The following TNR variants were observed in gnomAD, a reference collection of about 807,000 sequenced individuals.
TNR encodes tenascin-R.
A neutral mutation model predicts 150.4 loss-of-function variants in TNR; 45 were observed. That is an observed-to-expected ratio of 0.30 (90% CI 0.24 to 0.38). The LOEUF (loss-of-function observed/expected upper bound fraction) is 0.38, where lower values mean the gene tolerates loss of function less well. Ranked by LOEUF, TNR falls within the 10% of genes least tolerant of loss-of-function variation. The probability of loss-of-function intolerance (pLI) is 1.00; values close to 1 mark genes in which losing one functional copy is unlikely to be tolerated. For missense variants in TNR, 1,544 were observed against 1,759.1 expected (o/e 0.88, Z 2.19); for synonymous variants, 687 against 678.4 (o/e 1.01, Z -0.20).
chr1:175,563,970 A>G (rs1419699043), intron 1 of TNR, among the ~76,000 whole-genome samples: 1 of 152,218 alleles, frequency 6.6e-6, no homozygotes, highest in Admixed American at 6.5e-5. Context: ...GCTTTCCTCC[A>G]TCACTTCAGA....
intron 1 of TNR, among the ~76,000 whole-genome samples, chr1:175,713,077 A>G (rs1158626425): frequency 6.6e-6 from 1 of 152,192 alleles, no homozygotes; most frequent in Non-Finnish European, 1.5e-5. Context: ...TGCAAACGGG[A>G]CACCCAAGGA....
chr1:175,513,009 T>A (rs980700456), intron 2 of TNR, among the ~76,000 whole-genome samples: 4 of 152,220 alleles, frequency 2.6e-5, no homozygotes, highest in African/African-American at 9.6e-5. Flanking sequence ...CAGGTCAGTA[T>A]GGTTCCCTGG....
chr1:175,324,000 G>A (rs1387818190), intron 22 of TNR, among the ~76,000 whole-genome samples: 3 of 152,128 alleles, frequency 2.0e-5, no homozygotes, highest in Non-Finnish European at 4.4e-5. Context: ...GTCTCTGATA[G>A]GGAAAGATTG....
chr1:175,706,201 G>A (rs1666838853), intron 1 of TNR, among the ~76,000 whole-genome samples: 1 of 152,198 alleles, frequency 6.6e-6, no homozygotes, highest in South Asian at 2.1e-4. Flanking sequence ...TCTTGATAGT[G>A]GTTCGGATAA....
At chr1:175,597,662 T>A (rs1209185316) in intron 1 of TNR, among the ~76,000 whole-genome samples, 1 of 152,140 alleles carries the variant, frequency 6.6e-6, no homozygotes, top group African/African-American at 2.4e-5. Context: ...TGGTTTGGAA[T>A]ATTCTGGTAA....
At chr1:175,502,298 C>T (rs767677663) in intron 2 of TNR, among the ~76,000 whole-genome samples, 5 of 152,114 alleles carry the variant, frequency 3.3e-5, no homozygotes, top group African/African-American at 7.2e-5. Flanking sequence ...GTGCTCTATT[C>T]GGAGCACTCC....
chr1:175,439,144 C>G lies in TNR; in HGVS notation c.-63-32367G>C, dbSNP rs1160404652. Among the ~76,000 whole-genome samples, 3 of 152,278 alleles carry G rather than the reference C, an allele frequency of 2.0e-5. No individual in the cohort carries two copies. The East Asian group carries it at 5.8e-4, about 29-fold the overall frequency. On this transcript the variant is annotated intron_variant, in intron 2 of 22. Coordinates refer to ENST00000367674, the MANE Select transcript of TNR (RefSeq NM_003285.3). ...AAACTATACTACAAGGCTACAGTAA[C>G]CAAAACAGCATGGTACTGGTACCAA... is the stretch of plus-strand genomic sequence containing the variant.
chr1:175,344,937 T>A (rs551982964), intron 18 of TNR, among the ~76,000 whole-genome samples: 1 of 152,062 alleles, frequency 6.6e-6, no homozygotes, highest in African/African-American at 2.4e-5. Context: ...TGAAACCCTG[T>A]CTCTACTAAA....
At chr1:175,551,770 T>C (rs1260614374) in intron 1 of TNR, among the ~76,000 whole-genome samples, 1 of 152,182 alleles carries the variant, frequency 6.6e-6, no homozygotes, top group Non-Finnish European at 1.5e-5. Flanking sequence ...TTGTGAATAA[T>C]ACTAACAAAG....
chr1:175,477,649 T>C (rs1302640998), intron 2 of TNR, among the ~76,000 whole-genome samples: 1 of 152,140 alleles, frequency 6.6e-6, no homozygotes, highest in Non-Finnish European at 1.5e-5. Flanking sequence ...TGCTACTGGC[T>C]TGGGAATGAG....
At chr1:175,402,555 C>A (rs1653764007) in intron 4 of TNR, among the ~76,000 whole-genome samples, 1 of 152,128 alleles carries the variant, frequency 6.6e-6, no homozygotes, top group African/African-American at 2.4e-5. Flanking sequence ...GTCCTTAGTA[C>A]TTTATTCCTG....
intron 2 of TNR, among the ~76,000 whole-genome samples, chr1:175,500,087 A>G (rs1451722553): frequency 6.6e-6 from 1 of 152,228 alleles, no homozygotes; most frequent in Non-Finnish European, 1.5e-5. Context: ...TGAGACTTGA[A>G]CCAAATGGGA....
chr1:175,668,826 C>T (rs185491097), intron 1 of TNR, among the ~76,000 whole-genome samples: 193 of 152,304 alleles, frequency 1.3e-3, no homozygotes, highest in Non-Finnish European at 2.6e-4. Flanking sequence ...TTCACACAGA[C>T]GGCAAGAGAT....
At chr1:175,545,056 T>A (rs1660634271) in intron 1 of TNR, among the ~76,000 whole-genome samples, 1 of 152,198 alleles carries the variant, frequency 6.6e-6, no homozygotes, top group South Asian at 2.1e-4. Flanking sequence ...CCTCAGCTGA[T>A]GTAAAATTTG....
In TNR at chr1:175,316,903, C is replaced by CT. The variant is rs1648862138; in HGVS notation, c.*6453_*6454insA. 1 of 152,178 alleles carries CT rather than the reference C, an allele frequency of 6.6e-6. No individual in the cohort carries two copies. Among genetic ancestry groups the CT allele is most frequent in the South Asian group, 2.1e-4 (1 of 4,826 alleles). The allele number at this position is 152,178 out of a possible 1,614,324, so 9.4% of individuals were successfully genotyped here. A position where few individuals can be genotyped will look rare whatever the true frequency, so the allele number is the denominator to read the frequency against. ...TCTTAAAAGTCAGAAGAAGTGGCATCAAAGCCCCCTTGTAAGAATATTAGT... is the reference window on the plus strand; with the variant it reads ...TCTTAAAAGTCAGAAGAAGTGGCATCTAAAGCCCCCTTGTAAGAATATTAGT... On this transcript the variant is annotated 3_prime_UTR_variant, in exon 23 of 23. Transcript: ENST00000367674.
chr1:175,579,424 T>C (rs989651336), intron 1 of TNR, among the ~76,000 whole-genome samples: 1 of 151,848 alleles, frequency 6.6e-6, no homozygotes, highest in African/African-American at 2.4e-5. Context: ...GCAGGTTCAA[T>C]ACGGAAGATA....
intron 1 of TNR, among the ~76,000 whole-genome samples, chr1:175,560,204 T>G (rs1042181261): frequency 6.6e-6 from 1 of 152,240 alleles, no homozygotes; most frequent in East Asian, 1.9e-4. Context: ...GAATTTCACC[T>G]TGTTAGTTTT....
intron 1 of TNR, among the ~76,000 whole-genome samples, chr1:175,698,291 GA>G (rs773250105): frequency 6.6e-6 from 1 of 152,210 alleles, no homozygotes; most frequent in African/African-American, 2.4e-5. Context: ...CTGGGGTGGG[GA>G]AAGTCTTTGC....
Position 175,403,439 on chromosome 1 carries a change from C to T in TNR, c.677G>A (p.Ser226Asn). 1 of 1,614,224 alleles carries T rather than the reference C, an allele frequency of 6.2e-7. No homozygotes were observed. Among genetic ancestry groups the T allele is most frequent in the Non-Finnish European group, 8.5e-7 (1 of 1,180,056 alleles). The part of the protein sequence containing the change: ...DGQCICDSEY[S>N]GDDCSELRCP... ...CCGGAGTTCGGAACAGTCATCCCCG[C>T]TGTACTCGCTGTCACAGATGCACTG... The change falls in exon 4 of 23, where the codon AGC (serine) becomes AAC (asparagine). Residue 226 changes from serine (S) to asparagine (N), a missense_variant. Ser to Asn is a conservative substitution (Grantham distance 46). Around this residue, in one of 2 missense-constraint regions of TNR, gnomAD observed 1,254 missense variants for 1,329.4 expected, o/e 0.94. Coordinates refer to ENST00000367674, the MANE Select transcript of TNR (RefSeq NM_003285.3).
Sources: allele counts gnomAD v4.1 joint callset (sites outside exome capture counted in the v4.1 genomes callset), GRCh38; gene constraint gnomAD v4.1.1; regional missense constraint gnomAD v4.1.1; transcripts MANE v1.5; gene names NCBI Gene and HGNC (gene_info 2026-07-23, HGNC 2026-07-21).